Variants in AGPAT5 observed in about 807,000 individuals in gnomAD.
The protein encoded by AGPAT5 is 1-acyl-sn-glycerol-3-phosphate acyltransferase epsilon.
AGPAT5 carries 46 observed loss-of-function variants against 45.6 expected under a neutral mutation model. The observed-to-expected ratio is 1.01, with a 90% CI of 0.80 to 1.29. The LOEUF (loss-of-function observed/expected upper bound fraction) is 1.29, where lower values mean the gene tolerates loss of function less well. Among genes scored for constraint, AGPAT5 ranks in the 50% most tolerant of loss-of-function variants. The pLI is 0.00. For missense variants in AGPAT5, 673 were observed against 450.7 expected (o/e 1.49, Z -4.47); for synonymous variants, 272 against 167.0 (o/e 1.63, Z -4.85).
Position 6,749,914 on chromosome 8 carries a change from G to A in AGPAT5, c.745+2086G>A, listed in dbSNP as rs193205106. Among the ~76,000 whole-genome samples the A allele has an allele frequency of 5.9e-5, 9 of 152,336 alleles. No individual in the cohort carries two copies. In the South Asian group the frequency reaches 6.2e-4, roughly 11 times the overall value. On this transcript the variant is annotated intron_variant, in intron 6 of 7. Coordinates refer to ENST00000285518, the MANE Select transcript of AGPAT5 (RefSeq NM_018361.5). ...CTGTTGCCTGCCATCGGAGGAATGC[G>A]TTCCAGCCGTGATCTCTGCCTTGCC...
chr8:6,711,221 C>T (rs1226743178), intron 1 of AGPAT5, among the ~76,000 whole-genome samples: 1 of 152,172 alleles, frequency 6.6e-6, no homozygotes, highest in African/African-American at 2.4e-5. Flanking sequence ...AGTAGTAGGT[C>T]CATGAGATTT....
chr8:6,718,345 C>T (rs1800399396), intron 1 of AGPAT5, among the ~76,000 whole-genome samples: 1 of 152,208 alleles, frequency 6.6e-6, no homozygotes, highest in African/African-American at 2.4e-5. Flanking sequence ...TGCTTGCTTT[C>T]TTCAGCTGAG....
At chr8:6,716,478 T>G (rs1226325852) in intron 1 of AGPAT5, among the ~76,000 whole-genome samples, 3 of 151,936 alleles carry the variant, frequency 2.0e-5, no homozygotes, top group Non-Finnish European at 4.4e-5. Context: ...GGAGAATCAC[T>G]TGAACATGGG....
chr8:6,748,159 G>A (rs957663634), intron 6 of AGPAT5, among the ~76,000 whole-genome samples: 28 of 152,134 alleles, frequency 1.8e-4, no homozygotes, highest in Non-Finnish European at 3.8e-4. Flanking sequence ...CTGAGTGCAC[G>A]TTATTAGTCA....
intron 1 of AGPAT5, among the ~76,000 whole-genome samples, chr8:6,712,414 T>A (rs1364838557): frequency 6.6e-6 from 1 of 152,152 alleles, no homozygotes; most frequent in East Asian, 1.9e-4. Context: ...TCCTGATAAA[T>A]TAAAGGTGAT....
At chr8:6,733,310 T>G (rs1003112164) in intron 4 of AGPAT5, among the ~76,000 whole-genome samples, 7 of 152,240 alleles carry the variant, frequency 4.6e-5, no homozygotes, top group African/African-American at 1.4e-4. Flanking sequence ...GGCTTTCCCT[T>G]TCCTTTCTGG....
chr8:6,712,372 T>TTATA (rs35603168), intron 1 of AGPAT5, among the ~76,000 whole-genome samples: 3 of 150,294 alleles, frequency 2.0e-5, no homozygotes, highest in Admixed American at 6.6e-5. Context: ...CATCTTGTGA[T>TTATA]TATATATATA....
chr8:6,735,329 A>G (rs1157637707), intron 4 of AGPAT5, among the ~76,000 whole-genome samples: 1 of 152,096 alleles, frequency 6.6e-6, no homozygotes, highest in Non-Finnish European at 1.5e-5. Context: ...CCCTCCCACA[A>G]GCCTACATCC....
intron 5 of AGPAT5, chr8:6,746,167 A>G (rs1165036955): frequency 6.6e-6 from 1 of 151,906 alleles, no homozygotes; most frequent in Admixed American, 6.6e-5. Context: ...ACAGACATAC[A>G]CGTGCCACCG....
chr8:6,732,033 T>G (rs1463203653), intron 3 of AGPAT5, among the ~76,000 whole-genome samples: 1 of 152,212 alleles, frequency 6.6e-6, no homozygotes, highest in Non-Finnish European at 1.5e-5. Flanking sequence ...AATTACCACC[T>G]CTAAGTCCCT....
chr8:6,729,345 C>CT (rs57365087), intron 2 of AGPAT5, among the ~76,000 whole-genome samples: 46,405 of 143,084 alleles, frequency 0.32, 8,897 homozygotes, highest in Non-Finnish European at 0.44. Flanking sequence ...TTTCTACAGA[C>CT]TTTTTTTTTT....
At chr8:6,721,944 G>C (rs761928940) in intron 1 of AGPAT5, among the ~76,000 whole-genome samples, 1 of 151,972 alleles carries the variant, frequency 6.6e-6, no homozygotes, top group South Asian at 2.1e-4. Context: ...TCTTCTGCTT[G>C]AGATTCCTGA....
intron 4 of AGPAT5, 22 bp from the exon 5 acceptor site, chr8:6,741,639 A>C: frequency 1.9e-6 from 3 of 1,549,488 alleles, no homozygotes; most frequent in Middle Eastern, 1.7e-4. Flanking sequence ...AAAATAAACC[A>C]AATTTGCTCT....
At chr8:6,741,788 C>A (rs780998745) in intron 5 of AGPAT5, 37 bp downstream of exon 5, 3 of 1,476,506 alleles carry the variant, frequency 2.0e-6, no homozygotes, top group South Asian at 2.4e-5. Flanking sequence ...AAATAATTTT[C>A]AAAGATAATA....
intron 5 of AGPAT5, among the ~76,000 whole-genome samples, chr8:6,744,462 G>A (rs989186093): frequency 5.9e-5 from 9 of 152,188 alleles, no homozygotes; most frequent in African/African-American, 1.9e-4. Flanking sequence ...TCTGAAATGG[G>A]TCTTACTCAG....
chr8:6,735,337 T>A (rs1345099529), intron 4 of AGPAT5, among the ~76,000 whole-genome samples: 1 of 152,150 alleles, frequency 6.6e-6, no homozygotes, highest in Non-Finnish European at 1.5e-5. Context: ...CAAGCCTACA[T>A]CCAGTCTTCC....
At chr8:6,751,244 A>G (rs1471584552) in intron 6 of AGPAT5, among the ~76,000 whole-genome samples, 2 of 152,206 alleles carry the variant, frequency 1.3e-5, no homozygotes, top group Non-Finnish European at 2.9e-5. Context: ...ATTAAATATT[A>G]TCTCTATATA....
intron 2 of AGPAT5, among the ~76,000 whole-genome samples, chr8:6,727,242 T>A (rs1800718422): frequency 6.6e-6 from 1 of 152,218 alleles, no homozygotes; most frequent in Non-Finnish European, 1.5e-5. Context: ...TTAGTCTCTC[T>A]CTTCCCTTGT....
intron 1 of AGPAT5, among the ~76,000 whole-genome samples, chr8:6,711,117 C>T (rs1202879128): frequency 7.9e-5 from 12 of 152,022 alleles, no homozygotes; most frequent in Non-Finnish European, 2.9e-5. Flanking sequence ...CATTTTTACA[C>T]CTTTCAACTC....
Sources: gnomAD v4.1 joint callset for allele counts (sites outside exome capture counted in the v4.1 genomes callset) on GRCh38, gnomAD v4.1.1 for gene constraint, MANE v1.5 for transcripts, NCBI Gene and HGNC (gene_info 2026-07-23, HGNC 2026-07-21) for gene names.